The following UBE2J2 variants were observed in gnomAD, a reference collection of about 807,000 sequenced individuals.
UBE2J2 encodes ubiquitin conjugating enzyme E2 J2.
In UBE2J2, 5 loss-of-function variants were observed where a neutral mutation model predicts 28.6. The ratio of observed to expected loss-of-function variants is 0.17; its 90% CI spans 0.09 to 0.37. The LOEUF is 0.37. Ranked by LOEUF, UBE2J2 falls within the 10% of genes least tolerant of loss-of-function variation. The pLI, the probability that UBE2J2 is intolerant of heterozygous loss-of-function variation, is 1.00. For missense variants in UBE2J2, 226 were observed against 338.9 expected (o/e 0.67, Z 2.62); for synonymous variants, 138 against 139.7 (o/e 0.99, Z 0.09).
In UBE2J2 at chr1:1,256,034, G is replaced by A. The variant is rs372379966; in HGVS notation, c.495+11C>T. The A allele has an allele frequency of 4.5e-5, 72 of 1,594,628 alleles. No individual in the cohort carries two copies. Among genetic ancestry groups the A allele is most frequent in the East Asian group, 1.6e-4 (7 of 44,798 alleles). ...GCAGGGGAAGGCGAAACCCACTTCCGTCTTTCTTACCTCCACGACTTCAGG... is the reference window on the plus strand; with the variant it reads ...GCAGGGGAAGGCGAAACCCACTTCCATCTTTCTTACCTCCACGACTTCAGG... On this transcript the variant is annotated intron_variant, in intron 6 of 6. Transcript: ENST00000349431.
chr1:1,263,198 C>A (rs188541999), intron 3 of UBE2J2, 148 bp downstream of exon 3: 2 of 729,078 alleles, frequency 2.7e-6, no homozygotes, highest in African/African-American at 3.5e-5. Context: ...GAGAAGCAGA[C>A]GAGGAGGAGT....
At chr1:1,267,828 T>C in intron 2 of UBE2J2, 34 bp downstream of exon 2, 1 of 1,604,238 alleles carries the variant, frequency 6.2e-7, no homozygotes, top group African/African-American at 1.3e-5. Context: ...GCAGCGACAG[T>C]CAGCGCAGGG....
chr1:1,261,850 G>A (rs12096828), intron 3 of UBE2J2, among the ~76,000 whole-genome samples: 3 of 150,160 alleles, frequency 2.0e-5, no homozygotes, highest in Admixed American at 6.6e-5. Context: ...AGGTTTCACC[G>A]TATTAGCAAG....
At chr1:1,265,591 GTTTTCTCTCCAT>G (rs1287555211) in intron 2 of UBE2J2, among the ~76,000 whole-genome samples, 2 of 141,220 alleles carry the variant, frequency 1.4e-5, no homozygotes, top group African/African-American at 5.5e-5. Flanking sequence ...GTGTGTGTGT[GTTTTCTCTCCAT>G]TGTGTGTGTG....
intron 3 of UBE2J2, among the ~76,000 whole-genome samples, chr1:1,259,349 C>T (rs1185061097): frequency 6.6e-6 from 1 of 151,992 alleles, no homozygotes; most frequent in Non-Finnish European, 1.5e-5. Flanking sequence ...GTGTGCGTGC[C>T]ATCAGGACAC....
At chr1:1,259,943 C>T (rs1047848304) in intron 3 of UBE2J2, among the ~76,000 whole-genome samples, 3 of 152,206 alleles carry the variant, frequency 2.0e-5, no homozygotes, top group Non-Finnish European at 2.9e-5. Flanking sequence ...TGTGGCCTCC[C>T]GCACGTGTTT....
rs3829743 is a variant in UBE2J2, at chr1:1,255,365, G to A, written c.618C>T (p.Asn206=). The A allele has an allele frequency of 7.3e-5, 118 of 1,613,796 alleles. No individual in the cohort carries two copies. Among genetic ancestry groups the A allele is most frequent in the East Asian group, 5.1e-4 (23 of 44,878 alleles). Reference sequence around the variant, plus strand: ...TTGGGACGGCCCCCGGCGCATGCCCGTTGAGCAGCTGAATCCCGTTCTGGA... The same window carrying A: ...TTGGGACGGCCCCCGGCGCATGCCCATTGAGCAGCTGAATCCCGTTCTGGA... ...HLVQNGIQLL[N]GHAPGAVPNL... is the part of the protein sequence containing the mutation. The change falls in exon 7 of 7, where the codon AAC becomes AAT. Residue 206 remains asparagine, a synonymous_variant. Transcript: ENST00000349431.
chr1:1,265,451 T>C (rs1639794706), intron 2 of UBE2J2, among the ~76,000 whole-genome samples: 1 of 152,028 alleles, frequency 6.6e-6, no homozygotes, highest in South Asian at 2.1e-4. Context: ...TTCCAATGAG[T>C]TTCTCTGCTC....
intron 2 of UBE2J2, among the ~76,000 whole-genome samples, chr1:1,265,855 A>T (rs56333609): frequency 1.3e-5 from 2 of 151,994 alleles, no homozygotes; most frequent in African/African-American, 4.8e-5. Flanking sequence ...GGCTGGTCTC[A>T]ATCTCCTGAC....
Position 1,254,270 on chromosome 1 carries a change from G to C in UBE2J2, c.*933C>G, listed in dbSNP as rs867331362. 1 of 152,332 alleles carries C rather than the reference G, an allele frequency of 6.6e-6. No individual in the cohort carries two copies. The highest frequency in any genetic ancestry group is 2.1e-4 in the South Asian group (1 of 4,834). 9.4% of individuals were successfully genotyped at this position (152,332 alleles called of 1,614,324 possible). ...CCCTCTGCCATGTTCCGTGGACAGC[G>C]AACACCCGGGCCGGAGCCATTACCT... On this transcript the variant is annotated 3_prime_UTR_variant, in exon 7 of 7. Transcript: ENST00000349431.
intron 3 of UBE2J2, among the ~76,000 whole-genome samples, chr1:1,259,329 G>A (rs1024946258): frequency 2.0e-5 from 3 of 152,072 alleles, no homozygotes; most frequent in African/African-American, 7.2e-5. Flanking sequence ...ACGCATGGGC[G>A]TGGGCATGTG....
chr1:1,267,865 T>G lies in UBE2J2; in HGVS notation c.128A>C (p.Glu43Ala). ...CAEPLPSNIL[E>A]WHYVVRGPEM... is the part of the protein sequence containing the mutation. ...GATCAGTGGCGCGGAGCCTTACCAC[T>G]CGAGAATATTCGAAGGGAGGGGCTC... Residue 43 changes from glutamate (E) to alanine (A), a missense_variant, in exon 2 of 7, where the codon GAG becomes GCG. Physicochemically the swap from Glu to Ala is moderately radical, Grantham distance 107. This residue lies in a region of UBE2J2 where 80 missense variants were observed against 114.5 expected (regional missense o/e 0.70). Transcript: ENST00000349431. 6.2e-7 allele frequency: 1 copy of G among 1,613,876 alleles called. No individual in the cohort carries two copies. Among genetic ancestry groups the G allele is most frequent in the Non-Finnish European group, 8.5e-7 (1 of 1,179,862 alleles).
intron 1 of UBE2J2, among the ~76,000 whole-genome samples, chr1:1,272,135 C>T (rs1420162496): frequency 6.6e-6 from 1 of 151,588 alleles, no homozygotes; most frequent in Non-Finnish European, 1.5e-5. Context: ...GCTGGGCCAA[C>T]AGAGACCCTG....
chr1:1,263,219 C>G (rs1639663754), intron 3 of UBE2J2, 127 bp downstream of exon 3: 2 of 872,890 alleles, frequency 2.3e-6, no homozygotes, highest in Admixed American at 3.9e-5. Context: ...TCCAACTAAG[C>G]CAATTTAACT....
In UBE2J2 at chr1:1,265,603, T is replaced by TTGTGTGTGTGTGTGTG. The variant is rs57125925; in HGVS notation, c.132-2233_132-2218dup. 2.1e-3 allele frequency among the ~76,000 whole-genome samples: 259 copies of TTGTGTGTGTGTGTGTG among 121,012 alleles called. 1 individual carries two copies. Among genetic ancestry groups the TTGTGTGTGTGTGTGTG allele is most frequent in the East Asian group, 6.9e-3 (27 of 3,906 alleles). 79.4% of individuals were successfully genotyped at this position (121,012 alleles called of 152,430 possible). The stretch of plus-strand genomic sequence containing the variant: ...TGTGTGTGTGTGTGTTTTCTCTCCA[T>TTGTGTGTGTGTGTGTG]TGTGTGTGTGTGTGTGTGTGTGTGT... On this transcript the variant is annotated intron_variant, in intron 2 of 6. Coordinates refer to ENST00000349431, the MANE Select transcript of UBE2J2 (RefSeq NM_058167.3).
At chr1:1,266,610 A>T (rs1639880116) in intron 2 of UBE2J2, among the ~76,000 whole-genome samples, 1 of 152,076 alleles carries the variant, frequency 6.6e-6, no homozygotes, top group Admixed American at 6.5e-5. Context: ...TCACGAGGTC[A>T]GGAGATCAAG....
chr1:1,261,900 C>T (rs540429673), intron 3 of UBE2J2, among the ~76,000 whole-genome samples: 4 of 150,868 alleles, frequency 2.7e-5, no homozygotes, highest in Admixed American at 1.3e-4. Context: ...TCTTGTCACC[C>T]AGGCTGGAAT....
intron 3 of UBE2J2, among the ~76,000 whole-genome samples, chr1:1,258,264 A>C (rs1037892519): frequency 6.6e-6 from 1 of 151,676 alleles, no homozygotes; most frequent in African/African-American, 2.4e-5. Flanking sequence ...GATGGTCTCT[A>C]TCTCCTGACC....
At chr1:1,265,941 G>A (rs1268896135) in intron 2 of UBE2J2, among the ~76,000 whole-genome samples, 2 of 152,088 alleles carry the variant, frequency 1.3e-5, no homozygotes, top group South Asian at 2.1e-4. Context: ...ACTTCTCTCC[G>A]TAATTTTAAT....
Sources: gnomAD v4.1 joint callset for allele counts (sites outside exome capture counted in the v4.1 genomes callset) on GRCh38, gnomAD v4.1.1 for gene constraint, gnomAD v4.1.1 regional missense constraint, MANE v1.5 for transcripts, NCBI Gene and HGNC (gene_info 2026-07-23, HGNC 2026-07-21) for gene names.